The following RAB10 variants were observed in gnomAD, a reference collection of about 807,000 sequenced individuals.
RAB10 encodes ras-related protein Rab-10.
RAB10 carries 5 observed loss-of-function variants against 25.7 expected under a neutral mutation model. The ratio of observed to expected loss-of-function variants is 0.19; its 90% CI spans 0.10 to 0.41. The LOEUF is 0.41. RAB10 is among the 10% of genes least tolerant of loss of function. The pLI, the probability that RAB10 is intolerant of heterozygous loss-of-function variation, is 1.00. For synonymous variants in RAB10, 89 were observed against 86.4 expected, an observed-to-expected ratio of 1.03 and a Z score of -0.16; for missense variants, 103 against 245.8, an observed-to-expected ratio of 0.42 and a Z score of 3.89.
At chr2:26,058,260 G>C (rs1406864724) in intron 1 of RAB10, among the ~76,000 whole-genome samples, 2 of 151,952 alleles carry the variant, frequency 1.3e-5, no homozygotes, top group Non-Finnish European at 2.9e-5. Flanking sequence ...TTTCTTTCTT[G>C]TCCTCTACAA....
rs967263577 is a variant in RAB10 at position 26,136,154 on chromosome 2, A to G, written c.*1133A>G. On this transcript the variant is annotated 3_prime_UTR_variant, in exon 6 of 6. Coordinates refer to ENST00000264710, the MANE Select transcript of RAB10 (RefSeq NM_016131.5). ...GTGGTTTGTCTTTCTAATTAGGTGTATAGCCTATTCACTTTCCTAGAATAA... is the reference window on the plus strand; with the variant it reads ...GTGGTTTGTCTTTCTAATTAGGTGTGTAGCCTATTCACTTTCCTAGAATAA... 1.3e-5 allele frequency: 2 copies of G among 152,616 alleles called. No homozygotes were observed. The highest frequency in any genetic ancestry group is 4.8e-5 in the African/African-American group (2 of 41,456). The allele number at this position is 152,616 out of a possible 1,614,324, so 9.5% of individuals were successfully genotyped here.
intron 3 of RAB10, among the ~76,000 whole-genome samples, chr2:26,125,434 C>CTTTTTTTTTTT (rs780945835): frequency 8.4e-6 from 1 of 118,886 alleles, no homozygotes; most frequent in Admixed American, 8.6e-5. Flanking sequence ...CCTTTGCTTG[C>CTTTTTTTTTTT]TTTTTTTTTT....
At chr2:26,063,000 G>A (rs1394532455) in intron 1 of RAB10, among the ~76,000 whole-genome samples, 5 of 150,224 alleles carry the variant, frequency 3.3e-5, no homozygotes, top group African/African-American at 9.8e-5. Flanking sequence ...CTATAATCCC[G>A]GCTGCTCGGG....
chr2:26,040,390 G>A (rs148197582), intron 1 of RAB10, among the ~76,000 whole-genome samples: 1 of 151,900 alleles, frequency 6.6e-6, no homozygotes, highest in Non-Finnish European at 1.5e-5. Context: ...AGGACTGGGC[G>A]TGGTGGCTCA....
intron 1 of RAB10, among the ~76,000 whole-genome samples, chr2:26,084,468 G>A (rs1446882480): frequency 6.6e-6 from 1 of 152,134 alleles, no homozygotes; most frequent in African/African-American, 2.4e-5. Context: ...AATCATGTTG[G>A]GTCATATGTG....
At chr2:26,093,724 C>T (rs1667154710) in intron 1 of RAB10, among the ~76,000 whole-genome samples, 1 of 152,162 alleles carries the variant, frequency 6.6e-6, no homozygotes, top group Non-Finnish European at 1.5e-5. Context: ...GTCATGTAGA[C>T]TGAAGACTTT....
chr2:26,038,874 G>A (rs1382286642), intron 1 of RAB10, among the ~76,000 whole-genome samples: 4 of 147,572 alleles, frequency 2.7e-5, no homozygotes, highest in African/African-American at 1.0e-4. Flanking sequence ...GCAGTGAGCC[G>A]AGGTCGCACT....
At chr2:26,041,853 G>T (rs528450044) in intron 1 of RAB10, among the ~76,000 whole-genome samples, 1 of 152,234 alleles carries the variant, frequency 6.6e-6, no homozygotes, top group East Asian at 1.9e-4. Flanking sequence ...GCGGTGAGCC[G>T]AGATCGTGCC....
chr2:26,098,430 T>C (rs1378002887), intron 1 of RAB10: 3 of 451,760 alleles, frequency 6.6e-6, no homozygotes, highest in East Asian at 9.4e-5. Context: ...TGAGCCACCA[T>C]GCCCAGCCCA....
chr2:26,089,869 T>C (rs1349616316), intron 1 of RAB10, among the ~76,000 whole-genome samples: 5 of 152,142 alleles, frequency 3.3e-5, no homozygotes, highest in Non-Finnish European at 7.3e-5. Flanking sequence ...AATTGCATTT[T>C]CTTTTTCGGA....
rs557659938 is a variant in RAB10, at chr2:26,097,298, G to T, written c.128-1364G>T. ...CTTTTCTTTGTTTGTTTTTGAGACG[G>T]AGTCTCACTCTGTCGCCCAGGCTGG... On this transcript the variant is annotated intron_variant, in intron 1 of 5. Transcript: ENST00000264710. Among the ~76,000 whole-genome samples, 159 of 152,236 alleles carry T rather than the reference G, an allele frequency of 1.0e-3. 1 individual carries two copies. Among genetic ancestry groups the T allele is most frequent in the Admixed American group, 1.0e-3 (16 of 15,310 alleles).
At chr2:26,058,668 A>G (rs923561443) in intron 1 of RAB10, among the ~76,000 whole-genome samples, 2 of 152,142 alleles carry the variant, frequency 1.3e-5, no homozygotes, top group African/African-American at 4.8e-5. Context: ...CTTGCCAAGC[A>G]CACTCCTGCC....
chr2:26,054,113 T>C (rs1666197021), intron 1 of RAB10, among the ~76,000 whole-genome samples: 1 of 150,098 alleles, frequency 6.7e-6, no homozygotes, highest in South Asian at 2.1e-4. Flanking sequence ...AATGGCGTGA[T>C]CTCGGCTCAC....
intron 2 of RAB10, among the ~76,000 whole-genome samples, chr2:26,108,885 A>T (rs999949370): frequency 2.7e-5 from 1 of 36,490 alleles, no homozygotes; most frequent in African/African-American, 1.5e-4. Flanking sequence ...CTTTATATTT[A>T]TTTATTTATT....
upstream of RAB10, chr2:26,033,968 G>A (rs1665696332): frequency 5.0e-6 from 2 of 397,368 alleles, no homozygotes; most frequent in Non-Finnish European, 8.9e-6. Flanking sequence ...GAGGCTTGGA[G>A]ACAGGAGCAT....
chr2:26,071,974 TA>T (rs1470567124), intron 1 of RAB10, among the ~76,000 whole-genome samples: 3 of 152,206 alleles, frequency 2.0e-5, no homozygotes, highest in Non-Finnish European at 4.4e-5. Flanking sequence ...GTGATAATAT[TA>T]TTTTTTTCAT....
At chr2:26,065,229 GA>G (rs886945271) in intron 1 of RAB10, among the ~76,000 whole-genome samples, 47 of 147,524 alleles carry the variant, frequency 3.2e-4, no homozygotes, top group African/African-American at 8.4e-4. Flanking sequence ...AAAAGAAAAA[GA>G]AAAAAAAAAC....
chr2:26,088,785 C>G (rs995060375), intron 1 of RAB10, among the ~76,000 whole-genome samples: 2 of 152,022 alleles, frequency 1.3e-5, no homozygotes, highest in African/African-American at 2.4e-5. Flanking sequence ...CCACCATACC[C>G]AGCCAATTTT....
chr2:26,118,953 C>T (rs913490268), intron 3 of RAB10, among the ~76,000 whole-genome samples: 3 of 152,100 alleles, frequency 2.0e-5, no homozygotes, highest in African/African-American at 2.4e-5. Context: ...AAACACAATG[C>T]GTATCCGACT....
Sources: allele counts gnomAD v4.1 joint callset (sites outside exome capture counted in the v4.1 genomes callset), GRCh38; gene constraint gnomAD v4.1.1; transcripts MANE v1.5; gene names NCBI Gene and HGNC (gene_info 2026-07-23, HGNC 2026-07-21).